HHAT: variants seen among roughly 807,000 people sequenced by gnomAD.
HHAT encodes hedgehog acyltransferase.
A neutral mutation model predicts 70.8 loss-of-function variants in HHAT; 47 were observed. That is an observed-to-expected ratio of 0.66 (90% CI 0.53 to 0.85). The LOEUF (loss-of-function observed/expected upper bound fraction) is 0.85. Ranked by LOEUF, HHAT falls within the 40% of genes least tolerant of loss-of-function variation. HHAT has a pLI of 0.00. For synonymous variants in HHAT, 228 were observed against 247.6 expected, an observed-to-expected ratio of 0.92 and a Z score of 0.74; for missense variants, 609 against 604.8, an observed-to-expected ratio of 1.01 and a Z score of -0.07.
chr1:210,400,307 A>G (rs1029734579), intron 4 of HHAT, among the ~76,000 whole-genome samples, 161 bp from the exon 5 acceptor site: 4 of 152,232 alleles, frequency 2.6e-5, no homozygotes, highest in Middle Eastern at 6.8e-3. Context: ...TGTTGTACCA[A>G]AATTCCCAGG....
chr1:210,493,174 A>T (rs2094577463), intron 8 of HHAT, among the ~76,000 whole-genome samples: 1 of 152,030 alleles, frequency 6.6e-6, no homozygotes, highest in Non-Finnish European at 1.5e-5. Context: ...AAGCAGGGAG[A>T]TCTATGGGTC....
intron 6 of HHAT, among the ~76,000 whole-genome samples, chr1:210,410,345 C>T (rs2092491016): frequency 6.6e-6 from 1 of 151,516 alleles, no homozygotes; most frequent in African/African-American, 2.4e-5. Context: ...CGTGAGCCAC[C>T]ATGCCTGGCC....
At chr1:210,353,570 GA>G in intron 2 of HHAT, among the ~76,000 whole-genome samples, 1 of 151,690 alleles carries the variant, frequency 6.6e-6, no homozygotes, top group East Asian at 1.9e-4. Flanking sequence ...AGCTTTCTAG[GA>G]AATCTATATA....
rs373047974 is a variant in HHAT at position 210,674,276 on chromosome 1, C to T, written c.1391-12C>T. ...TTCTAACTGCTCTTCCATCTCTGTC[C>T]TCCCTCTGCAGGCTGGCCTTGGGTG... is the stretch of plus-strand genomic sequence containing the variant. On this transcript the variant is annotated splice_polypyrimidine_tract_variant and intron_variant, in intron 11 of 11. Transcript: ENST00000261458. The T allele has an allele frequency of 4.6e-4, 746 of 1,606,696 alleles. 1 individual carries two copies. Among genetic ancestry groups the T allele is most frequent in the Middle Eastern group, 4.4e-3 (27 of 6,072 alleles).
At chr1:210,588,753 A>G (rs1167488150) in intron 10 of HHAT, 3 of 152,262 alleles carry the variant, frequency 2.0e-5, no homozygotes, top group Non-Finnish European at 2.9e-5. Flanking sequence ...CCTGTAGACA[A>G]AAGTACACTA....
At chr1:210,392,911 T>TCGG (rs1381423678) in intron 4 of HHAT, among the ~76,000 whole-genome samples, 1 of 152,176 alleles carries the variant, frequency 6.6e-6, no homozygotes, top group East Asian at 1.9e-4. Context: ...AGCTCCTGTT[T>TCGG]CGCACCTGAC....
At chr1:210,542,487 T>TA (rs760515327) in intron 9 of HHAT, among the ~76,000 whole-genome samples, 1,749 of 148,808 alleles carry the variant, frequency 0.012, 18 homozygotes, top group African/African-American at 0.014. Context: ...GTGTTTTAGT[T>TA]AAAAAAAAAA....
rs1231178551 is a variant in HHAT, at chr1:210,400,552, C to T, written c.358C>T (p.His120Tyr). The T allele has an allele frequency of 6.2e-7, 1 of 1,613,968 alleles. No homozygotes were observed. The highest frequency in any genetic ancestry group is 1.3e-5 in the African/African-American group (1 of 74,906). Residue 120 changes from histidine (H) to tyrosine (Y), a missense_variant, in exon 5 of 12, where the codon CAT (histidine) becomes TAT (tyrosine). His to Tyr is a moderately conservative substitution (Grantham distance 83). Coordinates refer to ENST00000261458, the MANE Select transcript of HHAT (RefSeq NM_018194.6). The stretch of plus-strand genomic sequence containing the variant: ...CCCTGGTGTGGCTATGGTTTTGCTC[C>T]ATACCACCATCTCTTTCTGCGTGGC... Reference protein sequence around the residue: ...GTPGVAMVLLHTTISFCVAQF... With the variant: ...GTPGVAMVLLYTTISFCVAQF...
chr1:210,649,597 TG>T (rs1302232809), intron 11 of HHAT, among the ~76,000 whole-genome samples: 1 of 152,228 alleles, frequency 6.6e-6, no homozygotes, highest in Admixed American at 6.5e-5. Context: ...GTTCACACTG[TG>T]TCTCCCTAAA....
At chr1:210,564,497 A>G (rs2095651910) in intron 9 of HHAT, among the ~76,000 whole-genome samples, 1 of 152,272 alleles carries the variant, frequency 6.6e-6, no homozygotes, top group African/African-American at 2.4e-5. Context: ...TTAGGTGAAC[A>G]GAACAGTTTC....
At chr1:210,382,482 T>C (rs972295179) in intron 3 of HHAT, among the ~76,000 whole-genome samples, 1 of 152,218 alleles carries the variant, frequency 6.6e-6, no homozygotes, top group Non-Finnish European at 1.5e-5. Context: ...CTCCTCGCCA[T>C]TTTAAAGGCT....
intron 7 of HHAT, among the ~76,000 whole-genome samples, chr1:210,460,081 C>T (rs2093949048): frequency 6.6e-6 from 1 of 152,194 alleles, no homozygotes; most frequent in Non-Finnish European, 1.5e-5. Flanking sequence ...CTTTATATGA[C>T]AACTGGGTTC....
chr1:210,594,244 C>T (rs961314761), intron 10 of HHAT, among the ~76,000 whole-genome samples: 3 of 151,942 alleles, frequency 2.0e-5, no homozygotes, highest in East Asian at 1.9e-4. Flanking sequence ...CCTTCTTTCC[C>T]TCCTTTCTGT....
intron 8 of HHAT, among the ~76,000 whole-genome samples, chr1:210,472,111 G>A (rs1399621924): frequency 2.0e-5 from 3 of 152,122 alleles, no homozygotes; most frequent in East Asian, 3.9e-4. Flanking sequence ...GAAGGTACTT[G>A]AGCTATTACA....
At chr1:210,536,170 C>G (rs2095370078) in intron 9 of HHAT, among the ~76,000 whole-genome samples, 1 of 152,232 alleles carries the variant, frequency 6.6e-6, no homozygotes, top group African/African-American at 2.4e-5. Flanking sequence ...ACTGAAGCCA[C>G]TGCCGTAAAA....
At chr1:210,491,064 A>AGAGAGTGTGTGT (rs71785485) in intron 8 of HHAT, among the ~76,000 whole-genome samples, 23 of 36,182 alleles carry the variant, frequency 6.4e-4, no homozygotes, top group African/African-American at 1.1e-3. Context: ...ACACACACAT[A>AGAGAGTGTGTGT]GTGTGTGTGT....
intron 4 of HHAT, among the ~76,000 whole-genome samples, chr1:210,399,256 C>G (rs1471888079): frequency 3.9e-5 from 6 of 152,018 alleles, no homozygotes; most frequent in African/African-American, 1.4e-4. Context: ...TGTTATTATT[C>G]CAGTTTTGTT....
intron 9 of HHAT, among the ~76,000 whole-genome samples, chr1:210,574,259 G>A (rs1003637986): frequency 1.3e-5 from 2 of 152,218 alleles, no homozygotes; most frequent in African/African-American, 2.4e-5. Context: ...AAGATCAAAT[G>A]TTGGAAAAGA....
At chr1:210,637,789 G>T (rs757863600) in intron 11 of HHAT, among the ~76,000 whole-genome samples, 7 of 150,634 alleles carry the variant, frequency 4.6e-5, no homozygotes, top group Non-Finnish European at 8.8e-5. Context: ...GAACCCAGGA[G>T]GCAGAGGTTG....
Sources: gnomAD v4.1 joint callset for allele counts (sites outside exome capture counted in the v4.1 genomes callset) on GRCh38, gnomAD v4.1.1 for gene constraint, MANE v1.5 for transcripts, NCBI Gene and HGNC (gene_info 2026-07-23, HGNC 2026-07-21) for gene names.